Variants in SGCD observed in about 807,000 individuals in gnomAD.
The protein encoded by SGCD is sarcoglycan delta, also known as delta-sarcoglycan.
A neutral mutation model predicts 36.6 loss-of-function variants in SGCD; 18 were observed. That is an observed-to-expected ratio of 0.49 (90% CI 0.34 to 0.73). SGCD has a LOEUF of 0.73. Among genes scored for constraint, SGCD ranks in the 30% least tolerant of loss-of-function variants. The pLI, the probability that SGCD is intolerant of heterozygous loss-of-function variation, is 0.01. For synonymous variants in SGCD, 133 were observed against 130.6 expected (o/e 1.02, Z -0.12); for missense variants, 387 against 346.7 (o/e 1.12, Z -0.92).
intron 4 of SGCD, among the ~76,000 whole-genome samples, chr5:156,554,509 A>G (rs965540881): frequency 1.3e-5 from 2 of 151,112 alleles, no homozygotes; most frequent in Non-Finnish European, 2.9e-5. Context: ...CAGGTATAGG[A>G]AAAACTGTTT....
intron 6 of SGCD, among the ~76,000 whole-genome samples, chr5:156,613,547 TC>T (rs1382948119): frequency 6.6e-6 from 1 of 152,150 alleles, no homozygotes; most frequent in African/African-American, 2.4e-5. Context: ...TTTCCACTAT[TC>T]CCCCAACTCA....
At chr5:156,079,455 A>G (rs1760889225) in intron 1 of SGCD, among the ~76,000 whole-genome samples, 1 of 152,158 alleles carries the variant, frequency 6.6e-6, no homozygotes, top group African/African-American at 2.4e-5. Flanking sequence ...ATTAACTCAA[A>G]AGTTCCGAGC....
the SGCD span, among the ~76,000 whole-genome samples, chr5:155,781,500 C>T: frequency 6.6e-6 from 1 of 152,174 alleles, no homozygotes; most frequent in African/African-American, 2.4e-5. Flanking sequence ...CTTACTCTGT[C>T]ACTGTGGCTG....
At chr5:155,811,162 A>G in the SGCD span, among the ~76,000 whole-genome samples, 1 of 152,102 alleles carries the variant, frequency 6.6e-6, no homozygotes. Context: ...GCTAGATTGC[A>G]GGTCCCAAGG....
intron 4 of SGCD, among the ~76,000 whole-genome samples, chr5:156,555,436 A>G (rs1758982285): frequency 6.6e-6 from 1 of 152,120 alleles, no homozygotes; most frequent in South Asian, 2.1e-4. Context: ...TCTTTTACAT[A>G]TAGCTATTCT....
chr5:155,742,760 T>C, the SGCD span, among the ~76,000 whole-genome samples: 1 of 152,176 alleles, frequency 6.6e-6, no homozygotes, highest in Non-Finnish European at 1.5e-5. Flanking sequence ...AGTTAAGGGC[T>C]CAGTCCCACA....
chr5:156,149,945 A>T (rs142930208), intron 3 of SGCD, among the ~76,000 whole-genome samples: 1 of 152,336 alleles, frequency 6.6e-6, no homozygotes, highest in Non-Finnish European at 1.5e-5. Context: ...CTTGAAAACC[A>T]GTGCCTTTTT....
chr5:156,724,431 C>T (rs145562645), intron 7 of SGCD, among the ~76,000 whole-genome samples: 2,879 of 152,094 alleles, frequency 0.019, 68 homozygotes, highest in African/African-American at 0.05. Context: ...GGTGAAACCC[C>T]GCCTCTATTA....
At position 156,293,060 on chromosome 5, in the gene SGCD, C is replaced by G. The variant is rs1158548309; in HGVS notation, c.-43-36474C>G. Among the ~76,000 whole-genome samples the G allele has an allele frequency of 4.0e-5, 6 of 151,510 alleles. No homozygotes were observed. In the East Asian group the frequency reaches 1.2e-3, roughly 29 times the overall value. On this transcript the variant is annotated intron_variant, in intron 3 of 9. Transcript: ENST00000517913. ...TCCTCCCATTCTGAGGGTTGCCTTT[C>G]TTTTCTGTTTTTTTTTAGAGGTGGG... is the stretch of plus-strand genomic sequence containing the variant.
At chr5:156,297,805 A>C (rs1245651026) in intron 3 of SGCD, among the ~76,000 whole-genome samples, 1 of 149,396 alleles carries the variant, frequency 6.7e-6, no homozygotes, top group Non-Finnish European at 1.5e-5. Context: ...TAAATAAATA[A>C]ATAAATAAAT....
chr5:155,882,420 A>C (rs1755906599), intron 1 of SGCD, among the ~76,000 whole-genome samples: 1 of 152,184 alleles, frequency 6.6e-6, no homozygotes, highest in Admixed American at 6.5e-5. Flanking sequence ...AATTATTTCC[A>C]GAAGGTTTTT....
chr5:155,978,887 A>T (rs929658316), intron 1 of SGCD, among the ~76,000 whole-genome samples: 1 of 152,110 alleles, frequency 6.6e-6, no homozygotes, highest in Non-Finnish European at 1.5e-5. Context: ...CTACAAATAC[A>T]GTGTATTTAT....
At chr5:156,423,429 A>ATATATTATATTTT (rs1561686121) in intron 3 of SGCD, among the ~76,000 whole-genome samples, 1 of 92,348 alleles carries the variant, frequency 1.1e-5, no homozygotes, top group African/African-American at 4.3e-5. Context: ...TATTTTAATA[A>ATATATTATATTTT]AATATAATAT....
At chr5:155,925,261 C>T (rs1365764539) in intron 1 of SGCD, among the ~76,000 whole-genome samples, 1 of 152,134 alleles carries the variant, frequency 6.6e-6, no homozygotes, top group Non-Finnish European at 1.5e-5. Flanking sequence ...CCTTTCATTT[C>T]TTTTGGTTCG....
chr5:156,557,916 G>A (rs975533119), intron 4 of SGCD, among the ~76,000 whole-genome samples: 7 of 151,306 alleles, frequency 4.6e-5, no homozygotes, highest in South Asian at 2.1e-4. Flanking sequence ...AAATTCTCAC[G>A]TTATATCCTG....
chr5:156,337,818 T>G (rs748442101), intron 2 of SGCD, among the ~76,000 whole-genome samples: 1 of 152,198 alleles, frequency 6.6e-6, no homozygotes, highest in African/African-American at 2.4e-5. Context: ...ATATAGTAGA[T>G]GTCAAAATAT....
In SGCD at chr5:156,057,639, A is replaced by G. The variant is rs1024835156; in HGVS notation, c.-281-60239A>G. Among the ~76,000 whole-genome samples the G allele has an allele frequency of 8.9e-5, 13 of 146,416 alleles. 2 individuals are homozygous for G. Among genetic ancestry groups the G allele is most frequent in the Non-Finnish European group, 1.5e-4 (10 of 64,928 alleles). On this transcript the variant is annotated intron_variant, in intron 1 of 9. Transcript: ENST00000517913. ...TGAGGTAGAAAATGCATGAACTGAA[A>G]GGGACCATCATCTTGCCATGTCAGA...
rs371177472 is a variant in SGCD, at chr5:156,419,930, G to A, written c.192+75253G>A. 2.6e-5 allele frequency among the ~76,000 whole-genome samples: 4 copies of A among 152,154 alleles called. No individual in the cohort carries two copies. The South Asian group carries it at 8.3e-4, about 32-fold the overall frequency. On this transcript the variant is annotated intron_variant, in intron 3 of 8. Transcript: ENST00000337851. Reference sequence around the variant, plus strand: ...AAATCACACAATGAGCTGCTTTTCTGTATCTTTGAGCAGGGTAACTGTATA... The same window carrying A: ...AAATCACACAATGAGCTGCTTTTCTATATCTTTGAGCAGGGTAACTGTATA...
At position 156,171,327 on chromosome 5, in the gene SGCD, C is replaced by T. The variant is rs184888278; in HGVS notation, c.-44+47308C>T. Reference sequence around the variant, plus strand: ...CTAAGGGATAAAGTGGATCCATCTACATTAGTCCTACTTGGATATAAATTT... The same window carrying T: ...CTAAGGGATAAAGTGGATCCATCTATATTAGTCCTACTTGGATATAAATTT... On this transcript the variant is annotated intron_variant, in intron 3 of 9. Transcript: ENST00000517913. 1.7e-4 allele frequency among the ~76,000 whole-genome samples: 26 copies of T among 152,316 alleles called. No homozygotes were observed. The Middle Eastern group carries it at 0.017, about 100-fold the overall frequency.
Sources: gnomAD v4.1 joint callset for allele counts (sites outside exome capture counted in the v4.1 genomes callset) on GRCh38, gnomAD v4.1.1 for gene constraint, MANE v1.5 for transcripts, NCBI Gene and HGNC (gene_info 2026-07-23, HGNC 2026-07-21) for gene names.